LRRTM4: variants seen among roughly 807,000 people sequenced by gnomAD.
LRRTM4 encodes leucine rich repeat transmembrane neuronal 4.
In LRRTM4, 25 loss-of-function variants were observed where a neutral mutation model predicts 47.6. The observed-to-expected ratio is 0.53, with a 90% CI of 0.38 to 0.73. The LOEUF (loss-of-function observed/expected upper bound fraction) is 0.73. LRRTM4 is among the 30% of genes least tolerant of loss of function. The pLI is 0.00. For synonymous variants in LRRTM4, 311 were observed against 269.5 expected, an observed-to-expected ratio of 1.15 and a Z score of -1.51; for missense variants, 638 against 713.4, an observed-to-expected ratio of 0.89 and a Z score of 1.20.
chr2:77,264,631 GA>G (rs1309473421), intron 3 of LRRTM4, among the ~76,000 whole-genome samples: 1 of 152,082 alleles, frequency 6.6e-6, no homozygotes, highest in Non-Finnish European at 1.5e-5. Context: ...AAATCACTGG[GA>G]AAAGCATTTT....
rs139778312 is a variant in LRRTM4, at chr2:77,440,408, C to T, written c.1551+77910G>A. Among the ~76,000 whole-genome samples, 544 of 151,654 alleles carry T rather than the reference C, an allele frequency of 3.6e-3. 2 individuals carry two copies. The highest frequency in any genetic ancestry group is 0.012 in the African/African-American group (505 of 41,288). On this transcript the variant is annotated intron_variant, in intron 3 of 3. Coordinates refer to ENST00000409884, the MANE Select transcript of LRRTM4 (RefSeq NM_001134745.3). ...CAGCCAGGGCGACAGAGTGAGACTC[C>T]GCCTCAAAAAAGAAAAAAAAACTCT...
intron 3 of LRRTM4, among the ~76,000 whole-genome samples, chr2:76,962,158 A>G (rs750154749): frequency 2.6e-5 from 4 of 151,340 alleles, no homozygotes; most frequent in African/African-American, 4.8e-5. Context: ...CACACTTTAA[A>G]TGGTAGGTCA....
intron 3 of LRRTM4, among the ~76,000 whole-genome samples, chr2:76,908,058 C>A (rs949410952): frequency 5.3e-5 from 8 of 151,910 alleles, no homozygotes; most frequent in African/African-American, 1.9e-4. Context: ...AATTTTAGAC[C>A]AATATCCTTG....
intron 3 of LRRTM4, among the ~76,000 whole-genome samples, chr2:76,966,272 TAGG>T (rs984614136): frequency 7.3e-5 from 11 of 150,102 alleles, no homozygotes; most frequent in African/African-American, 2.4e-4. Flanking sequence ...TCAGGTGAAA[TAGG>T]AGAAGGAGGT....
chr2:77,041,683 G>A (rs62170902), intron 3 of LRRTM4, among the ~76,000 whole-genome samples: 1 of 150,640 alleles, frequency 6.6e-6, no homozygotes, highest in Non-Finnish European at 1.5e-5. Flanking sequence ...ACATCTGTTG[G>A]CCCTTTCTAT....
chr2:77,438,701 C>T (rs1052237719), intron 3 of LRRTM4, among the ~76,000 whole-genome samples: 5 of 152,060 alleles, frequency 3.3e-5, no homozygotes, highest in African/African-American at 4.8e-5. Flanking sequence ...CCAACGTGCC[C>T]GGCGGATAAT....
chr2:77,450,310 AAC>A (rs1231302205), intron 3 of LRRTM4, among the ~76,000 whole-genome samples: 1 of 145,958 alleles, frequency 6.9e-6, no homozygotes, highest in African/African-American at 2.5e-5. Context: ...CACACACACA[AAC>A]ACAGACACAC....
intron 3 of LRRTM4, among the ~76,000 whole-genome samples, chr2:77,163,902 T>G (rs1672803165): frequency 6.6e-6 from 1 of 152,140 alleles, no homozygotes; most frequent in African/African-American, 2.4e-5. Flanking sequence ...CTGCATCAAT[T>G]AATGAGCAAA....
chr2:76,841,849 G>T lies in LRRTM4; in HGVS notation c.1552-92933C>A, dbSNP rs952916319. On this transcript the variant is annotated intron_variant, in intron 3 of 3. Coordinates refer to ENST00000409884, the MANE Select transcript of LRRTM4 (RefSeq NM_001134745.3). ...AGAACTAAAGATTTTTTAAAAAGAG[G>T]TATTACTTTCACATATCAAATCTGA... Among the ~76,000 whole-genome samples, 4 of 151,950 alleles carry T rather than the reference G, an allele frequency of 2.6e-5. No homozygotes were observed. In the South Asian group the frequency reaches 8.3e-4, roughly 31 times the overall value.
At chr2:76,869,394 A>G (rs947828171) in intron 3 of LRRTM4, among the ~76,000 whole-genome samples, 19 of 152,142 alleles carry the variant, frequency 1.2e-4, no homozygotes, top group African/African-American at 2.4e-4. Flanking sequence ...TTCAGATTGT[A>G]CAACAGGAAT....
At chr2:76,965,362 T>G (rs796614072) in intron 3 of LRRTM4, among the ~76,000 whole-genome samples, 1 of 151,408 alleles carries the variant, frequency 6.6e-6, no homozygotes, top group African/African-American at 2.4e-5. Flanking sequence ...CATCATCAAG[T>G]AGGATTTATT....
intron 3 of LRRTM4, among the ~76,000 whole-genome samples, chr2:77,081,477 A>G (rs936036039): frequency 2.6e-5 from 4 of 152,094 alleles, no homozygotes; most frequent in African/African-American, 9.7e-5. Flanking sequence ...ACTGATATAT[A>G]TATTTAAATA....
intron 3 of LRRTM4, among the ~76,000 whole-genome samples, chr2:77,382,107 T>G (rs982994861): frequency 6.6e-6 from 1 of 151,988 alleles, no homozygotes; most frequent in Non-Finnish European, 1.5e-5. Context: ...TCTTCTAAAC[T>G]ATGGTCAAGG....
intron 3 of LRRTM4, among the ~76,000 whole-genome samples, chr2:76,949,414 A>G (rs1675429047): frequency 6.6e-6 from 1 of 151,950 alleles, no homozygotes; most frequent in African/African-American, 2.4e-5. Flanking sequence ...AATATAATGC[A>G]AGGTAAACCC....
At chr2:77,261,832 A>G (rs1487291533) in intron 3 of LRRTM4, among the ~76,000 whole-genome samples, 1 of 152,134 alleles carries the variant, frequency 6.6e-6, no homozygotes, top group Non-Finnish European at 1.5e-5. Flanking sequence ...ACATCTCATT[A>G]CAGTAGAGGT....
At chr2:77,234,767 A>T (rs930410496) in intron 3 of LRRTM4, among the ~76,000 whole-genome samples, 21 of 152,256 alleles carry the variant, frequency 1.4e-4, no homozygotes, top group African/African-American at 4.8e-4. Flanking sequence ...ACTTCTAAAA[A>T]ATTTAGATTC....
At chr2:76,858,570 AC>A (rs1248092158) in intron 3 of LRRTM4, among the ~76,000 whole-genome samples, 1 of 152,156 alleles carries the variant, frequency 6.6e-6, no homozygotes, top group Non-Finnish European at 1.5e-5. Context: ...TTTGAAGGGT[AC>A]TGTACTATTC....
intron 3 of LRRTM4, among the ~76,000 whole-genome samples, chr2:76,901,275 C>G (rs1477185905): frequency 6.6e-6 from 1 of 152,096 alleles, no homozygotes; most frequent in African/African-American, 2.4e-5. Context: ...TTGTTCAGCT[C>G]CAACTTATAA....
chr2:77,391,275 C>T (rs9309515), intron 3 of LRRTM4, among the ~76,000 whole-genome samples: 20,886 of 151,904 alleles, frequency 0.14, 2,535 homozygotes, highest in African/African-American at 0.32. Flanking sequence ...TATATTTGCA[C>T]AAATGGTCTC....
Sources: gnomAD v4.1 joint callset for allele counts (sites outside exome capture counted in the v4.1 genomes callset) on GRCh38, gnomAD v4.1.1 for gene constraint, MANE v1.5 for transcripts, NCBI Gene and HGNC (gene_info 2026-07-23, HGNC 2026-07-21) for gene names.